The following PLXNA4 variants were observed in gnomAD, a reference collection of about 807,000 sequenced individuals.
The protein encoded by PLXNA4 is plexin-A4.
In PLXNA4, 44 loss-of-function variants were observed where a neutral mutation model predicts 191.8. The ratio of observed to expected loss-of-function variants is 0.23; its 90% confidence interval spans 0.18 to 0.29. PLXNA4 has a LOEUF of 0.29. Ranked by LOEUF, PLXNA4 falls within the 10% of genes least tolerant of loss-of-function variation. The pLI, the probability that PLXNA4 is intolerant of heterozygous loss-of-function variation, is 1.00. For synonymous variants in PLXNA4, 1,082 were observed against 1,009.5 expected, an observed-to-expected ratio of 1.07 and a Z score of -1.36; for missense variants, 1,800 against 2,488.8, an observed-to-expected ratio of 0.72 and a Z score of 5.89.
intron 4 of PLXNA4, among the ~76,000 whole-genome samples, chr7:132,266,563 A>AT (rs1799866693): frequency 6.6e-6 from 1 of 152,056 alleles, no homozygotes; most frequent in Admixed American, 6.6e-5. Flanking sequence ...GAAATGTCTC[A>AT]TTTTTTCCAC....
intron 14 of PLXNA4, among the ~76,000 whole-genome samples, chr7:132,189,004 G>GGAGAGGAAAGGAAA (rs1562908921): frequency 1.4e-5 from 1 of 72,242 alleles, no homozygotes; most frequent in African/African-American, 5.8e-5. Context: ...GAGAGAGAGA[G>GGAGAGGAAAGGAAA]AGAGAGAGAG....
intron 4 of PLXNA4, among the ~76,000 whole-genome samples, chr7:132,265,161 A>G (rs1799802618): frequency 6.6e-6 from 1 of 152,210 alleles, no homozygotes; most frequent in Non-Finnish European, 1.5e-5. Context: ...CAACCACACC[A>G]TATACCAGGT....
chr7:132,130,699 ACAG>A, intron 31 of PLXNA4, 125 bp from the exon 32 acceptor site: 1 of 1,405,720 alleles, frequency 7.1e-7, no homozygotes, highest in East Asian at 2.4e-5. Flanking sequence ...GCAGGGGCAC[ACAG>A]GACACTGCGG....
At chr7:132,576,613 A>AG, upstream of PLXNA4, 1 of 985,640 alleles carries the variant, frequency 1.0e-6, no homozygotes, top group Non-Finnish European at 1.2e-6. This position sits in a 1 kb window ranked among gnomAD's most constrained non-coding sequence, Gnocchi z 5.8. Flanking sequence ...AGGAACGCGG[A>AG]GGGCGCCGAA....
In PLXNA4 at chr7:132,165,139, G is replaced by C. The variant is rs886512467; in HGVS notation, c.4348C>G (p.Leu1450Val). Reference sequence around the variant, plus strand: ...ACGTCCACATCCAACCCTACCTTGAGGAACTTGTAGAGGAGGAAAGTAAAC... The same window carrying C: ...ACGTCCACATCCAACCCTACCTTGACGAACTTGTAGAGGAGGAAAGTAAAC... ...NWFTFLLYKF[L>V]KECAGEPLFS... Residue 1450 changes from leucine to valine, a missense_variant, in exon 23 of 32, where the codon CTC (leucine) becomes GTC (valine). Around this residue, in one of 6 missense-constraint regions of PLXNA4, gnomAD observed 214 missense variants for 298.2 expected, o/e 0.72. Coordinates refer to ENST00000321063, the MANE Select transcript of PLXNA4 (RefSeq NM_020911.2). 1 of 1,612,976 alleles carries C rather than the reference G, an allele frequency of 6.2e-7. No homozygotes were observed. Among genetic ancestry groups the C allele is most frequent in the Non-Finnish European group, 8.5e-7 (1 of 1,179,370 alleles).
chr7:132,245,962 G>A (rs750295898), intron 4 of PLXNA4, among the ~76,000 whole-genome samples: 1 of 152,176 alleles, frequency 6.6e-6, no homozygotes, highest in Non-Finnish European at 1.5e-5. Context: ...CTCTTTAATG[G>A]GCAAAGACTT....
chr7:132,607,514 A>G (rs1321163267), intron 2 of PLXNA4, among the ~76,000 whole-genome samples: 2 of 152,230 alleles, frequency 1.3e-5, no homozygotes, highest in African/African-American at 4.8e-5. Flanking sequence ...CTGAAACGTA[A>G]TAACAAGGCT....
chr7:132,180,879 T>C, intron 18 of PLXNA4, 147 bp from the exon 19 acceptor site: 1 of 1,322,246 alleles, frequency 7.6e-7, no homozygotes, highest in South Asian at 1.5e-5. Flanking sequence ...AAAATATTCA[T>C]GGCATGACTA....
intron 24 of PLXNA4, among the ~76,000 whole-genome samples, chr7:132,161,582 G>C (rs1209038334): frequency 6.6e-6 from 1 of 152,172 alleles, no homozygotes; most frequent in Non-Finnish European, 1.5e-5. Flanking sequence ...CATTTTTCCA[G>C]GTTCCCAGGC....
At chr7:132,130,648 G>T in intron 31 of PLXNA4, 74 bp from the exon 32 acceptor site, 1 of 1,605,186 alleles carries the variant, frequency 6.2e-7, no homozygotes, top group South Asian at 1.1e-5. Context: ...GCACAAAGAT[G>T]GTGTGGATGT....
intron 5 of PLXNA4, among the ~76,000 whole-genome samples, chr7:132,233,115 A>C (rs1798578946): frequency 6.6e-6 from 1 of 152,228 alleles, no homozygotes; most frequent in Non-Finnish European, 1.5e-5. Context: ...GGTAAGGATG[A>C]GGGCCTTCCC....
In PLXNA4 at chr7:132,250,047, G is replaced by A. The variant is rs141983936; in HGVS notation, c.1504-8881C>T. ...ATCTCAGGGACAAGTGAGAAGCAGA[G>A]ATCTGAGAGAAAAACAGACCTGGGT... is the stretch of plus-strand genomic sequence containing the variant. On this transcript the variant is annotated intron_variant, in intron 4 of 31. Coordinates refer to ENST00000321063, the MANE Select transcript of PLXNA4 (RefSeq NM_020911.2). Among the ~76,000 whole-genome samples the A allele has an allele frequency of 3.5e-3, 526 of 152,336 alleles. 10 individuals are homozygous for A. The highest frequency in any genetic ancestry group is 0.012 in the African/African-American group (501 of 41,570).
intron 3 of PLXNA4, among the ~76,000 whole-genome samples, chr7:132,438,872 G>A (rs1795579360): frequency 6.6e-6 from 1 of 151,940 alleles, no homozygotes; most frequent in African/African-American, 2.4e-5. Context: ...ACTGCCCACT[G>A]CTAGACAGTA....
intron 2 of PLXNA4, among the ~76,000 whole-genome samples, chr7:132,583,538 G>C (rs1802447773): frequency 6.6e-6 from 1 of 152,188 alleles, no homozygotes; most frequent in Admixed American, 6.5e-5. Context: ...ATTAGGACGA[G>C]AGAAGAAGGG....
upstream of PLXNA4, chr7:132,576,478 G>C: frequency 4.1e-6 from 4 of 985,508 alleles, no homozygotes; most frequent in Non-Finnish European, 4.8e-6. The surrounding 1 kb of genome is among the most constrained non-coding windows in gnomAD (Gnocchi z 5.8). Context: ...ACTGCAGATG[G>C]AGCCTATGCC....
intron 3 of PLXNA4, among the ~76,000 whole-genome samples, chr7:132,416,350 T>C (rs181232229): frequency 7.0e-4 from 107 of 152,284 alleles, no homozygotes; most frequent in Non-Finnish European, 1.3e-3. Flanking sequence ...CTTCAAGAAA[T>C]GCCACAGAAG....
chr7:132,489,960 G>C (rs955359700), intron 2 of PLXNA4, among the ~76,000 whole-genome samples: 1 of 152,188 alleles, frequency 6.6e-6, no homozygotes, highest in Non-Finnish European at 1.5e-5. Context: ...TCCATATCTG[G>C]AGCAGACACA....
intron 5 of PLXNA4, among the ~76,000 whole-genome samples, chr7:132,238,233 AAC>A (rs1416386065): frequency 6.6e-6 from 1 of 152,204 alleles, no homozygotes; most frequent in Non-Finnish European, 1.5e-5. Flanking sequence ...TTTAAACAGA[AAC>A]ACACACAAAA....
intron 3 of PLXNA4, among the ~76,000 whole-genome samples, chr7:132,407,927 G>A (rs1794290754): frequency 2.6e-5 from 4 of 152,060 alleles, no homozygotes; most frequent in African/African-American, 9.6e-5. Flanking sequence ...CAATACTTTT[G>A]GAAAACAATT....
Sources: allele counts gnomAD v4.1 joint callset (sites outside exome capture counted in the v4.1 genomes callset), GRCh38; gene constraint gnomAD v4.1.1; regional missense constraint gnomAD v4.1.1; non-coding constraint Gnocchi (gnomAD v3.1); transcripts MANE v1.5; gene names NCBI Gene and HGNC (gene_info 2026-07-23, HGNC 2026-07-21).